CHM: variants seen among roughly 807,000 people sequenced by gnomAD.
CHM encodes CHM Rab escort protein.
In CHM, 10 loss-of-function variants were observed where a neutral mutation model predicts 49.0. The observed-to-expected ratio is 0.20, with a 90% CI of 0.13 to 0.35. The LOEUF (loss-of-function observed/expected upper bound fraction) is 0.35, where lower values mean the gene tolerates loss of function less well. Among genes scored for constraint, CHM ranks in the 10% least tolerant of loss-of-function variants. CHM has a pLI of 1.00. For synonymous variants in CHM, 184 were observed against 167.5 expected, an observed-to-expected ratio of 1.10 and a Z score of -0.76; for missense variants, 455 against 478.4, an observed-to-expected ratio of 0.95 and a Z score of 0.46.
rs946120567 is a variant in CHM at position 85,861,829 on chromosome X, C to A, written c.*2801G>T. 1 of 111,428 alleles carries A rather than the reference C, an allele frequency of 9.0e-6. No homozygotes were observed. The highest frequency in any genetic ancestry group is 3.3e-5 in the African/African-American group (1 of 30,755). The allele number at this position is 111,428 out of a possible 1,213,427, so 9.2% of individuals were successfully genotyped here. ...CAGTTTAAATACTTGAATCAAAATT[C>A]TTTAATAGCATTTTCTGAAATTTTA... On this transcript the variant is annotated 3_prime_UTR_variant, in exon 15 of 15. Coordinates refer to ENST00000357749, the MANE Select transcript of CHM (RefSeq NM_000390.4).
intron 8 of CHM, among the ~76,000 whole-genome samples, chrX:85,934,062 C>A (rs868275457): frequency 9.2e-6 from 1 of 108,163 alleles, no homozygotes; most frequent in African/African-American, 3.4e-5. Flanking sequence ...CTCACTGCAA[C>A]CTCCGCCTCC....
intron 2 of CHM, among the ~76,000 whole-genome samples, chrX:85,997,865 G>A (rs1333494348): frequency 9.0e-6 from 1 of 110,783 alleles, no homozygotes; most frequent in African/African-American, 3.3e-5. Flanking sequence ...CAGGAGAATT[G>A]CTTGAACCCA....
intron 1 of CHM, among the ~76,000 whole-genome samples, chrX:86,045,335 C>T (rs1934613581): frequency 8.9e-6 from 1 of 112,001 alleles, no homozygotes; most frequent in Non-Finnish European, 1.9e-5. Flanking sequence ...CAAATTAAAT[C>T]ATGATTGGAA....
At chrX:85,870,022 G>A (rs1923948753) in intron 14 of CHM, among the ~76,000 whole-genome samples, 1 of 111,937 alleles carries the variant, frequency 8.9e-6, no homozygotes, top group Non-Finnish European at 1.9e-5. Flanking sequence ...CTCATAAGCT[G>A]AAAGTAGCAT....
At chrX:86,035,581 A>C (rs969384580) in intron 1 of CHM, among the ~76,000 whole-genome samples, 52 of 111,111 alleles carry the variant, frequency 4.7e-4, no homozygotes, top group African/African-American at 1.5e-3. Context: ...AAAACTGAAG[A>C]TACAAAGGAG....
At chrX:85,910,019 C>T (rs1926834389) in intron 9 of CHM, among the ~76,000 whole-genome samples, 1 of 111,690 alleles carries the variant, frequency 9.0e-6, no homozygotes, top group South Asian at 3.7e-4. Context: ...TGCAAACTAT[C>T]ATGTTTCATT....
At chrX:85,951,658 T>C (rs1929753011) in intron 8 of CHM, among the ~76,000 whole-genome samples, 1 of 110,937 alleles carries the variant, frequency 9.0e-6, no homozygotes, top group Non-Finnish European at 1.9e-5. Context: ...AATGAGAGGG[T>C]GGAGCAAGAT....
At chrX:86,006,370 T>A (rs1309859033) in intron 2 of CHM, among the ~76,000 whole-genome samples, 1 of 111,858 alleles carries the variant, frequency 8.9e-6, no homozygotes, top group Admixed American at 9.5e-5. Context: ...AGATGCCCTC[T>A]CTCACCATGC....
intron 12 of CHM, among the ~76,000 whole-genome samples, chrX:85,882,076 G>A (rs897400224): frequency 3.6e-5 from 4 of 110,881 alleles, no homozygotes; most frequent in Non-Finnish European, 7.6e-5. Context: ...CAATATTTAC[G>A]ATGTTAGAAA....
intron 1 of CHM, among the ~76,000 whole-genome samples, chrX:86,029,651 A>G (rs1180992227): frequency 9.0e-6 from 1 of 111,589 alleles, no homozygotes; most frequent in African/African-American, 3.3e-5. Flanking sequence ...CCATATCCCC[A>G]ATTCAAATTA....
At chrX:85,968,745 C>A (rs1930715086) in intron 4 of CHM, among the ~76,000 whole-genome samples, 1 of 112,080 alleles carries the variant, frequency 8.9e-6, no homozygotes, top group Non-Finnish European at 1.9e-5. Flanking sequence ...TGGCAAACAT[C>A]TTGTAACTCC....
At chrX:85,913,313 CAAAAAA>C (rs1169192160) in intron 8 of CHM, among the ~76,000 whole-genome samples, 14 of 8,055 alleles carry the variant, frequency 1.7e-3, no homozygotes, top group East Asian at 4.8e-3. Context: ...AAGACTCTGT[CAAAAAA>C]AAAAAAAAAA....
chrX:85,953,380 T>C (rs1279015792), intron 8 of CHM, among the ~76,000 whole-genome samples: 2 of 111,725 alleles, frequency 1.8e-5, no homozygotes, highest in Non-Finnish European at 3.8e-5. Flanking sequence ...ATGCAATCTA[T>C]ATCAAAATAT....
intron 4 of CHM, among the ~76,000 whole-genome samples, chrX:85,973,471 G>A (rs1272383868): frequency 1.8e-5 from 2 of 110,252 alleles, no homozygotes; most frequent in African/African-American, 6.6e-5. Flanking sequence ...ATTTTTACAT[G>A]ATGTTTTGGA....
chrX:85,938,713 C>T (rs1303104326), intron 8 of CHM, among the ~76,000 whole-genome samples: 1 of 110,057 alleles, frequency 9.1e-6, no homozygotes, highest in Non-Finnish European at 1.9e-5. Flanking sequence ...TTCCTGAAAC[C>T]CAAGTAACTG....
At chrX:85,991,796 G>C (rs1442280609) in intron 2 of CHM, among the ~76,000 whole-genome samples, 1 of 110,717 alleles carries the variant, frequency 9.0e-6, no homozygotes. Context: ...GGGCTTAATA[G>C]AGCATCTGTT....
In CHM at chrX:85,981,773, G is replaced by T. The variant is rs1479916294; in HGVS notation, c.153C>A (p.Ser51Arg). 2.5e-6 allele frequency: 3 copies of T among 1,184,972 alleles called. No individual in the cohort carries two copies. The highest frequency in any genetic ancestry group is 2.3e-6 in the Non-Finnish European group (2 of 880,256). The change falls in exon 3 of 15, where the codon AGC becomes AGA. Residue 51 changes from serine to arginine, a missense_variant. By Grantham distance (110) the Ser-to-Arg change is moderately radical. Coordinates refer to ENST00000357749, the MANE Select transcript of CHM (RefSeq NM_000390.4). Reference protein sequence around the residue: ...SYYGGNWASFSFSGLLSWLKE... With the variant: ...SYYGGNWASFRFSGLLSWLKE... The stretch of plus-strand genomic sequence containing the variant: ...TTAGCCAGGACAATAGTCCTGAAAA[G>T]CTAAAACTGGCCCAGTTTCCTCCAT...
intron 11 of CHM, among the ~76,000 whole-genome samples, chrX:85,898,158 A>G (rs1337640193): frequency 9.1e-6 from 1 of 110,148 alleles, no homozygotes; most frequent in Non-Finnish European, 1.9e-5. Context: ...GAGACAGTAC[A>G]CTCTCCAACT....
chrX:85,983,635 A>G (rs111388153), intron 2 of CHM, among the ~76,000 whole-genome samples: 1 of 112,019 alleles, frequency 8.9e-6, no homozygotes, highest in Admixed American at 9.5e-5. Flanking sequence ...TTTATTTGCA[A>G]TCAACATAAA....
Sources: allele counts gnomAD v4.1 joint callset (sites outside exome capture counted in the v4.1 genomes callset), GRCh38; gene constraint gnomAD v4.1.1; transcripts MANE v1.5; gene names NCBI Gene and HGNC (gene_info 2026-07-23, HGNC 2026-07-21).